OPHN1: variants seen among roughly 807,000 people sequenced by gnomAD.
OPHN1 encodes the protein oligophrenin 1.
OPHN1 carries 11 observed loss-of-function variants against 60.7 expected under a neutral mutation model. The ratio of observed to expected loss-of-function variants is 0.18; its 90% CI spans 0.11 to 0.30. OPHN1 has a LOEUF of 0.30. Among genes scored for constraint, OPHN1 ranks in the 10% least tolerant of loss-of-function variants. The pLI is 1.00. For synonymous variants in OPHN1, 226 were observed against 222.6 expected, an observed-to-expected ratio of 1.02 and a Z score of -0.14; for missense variants, 449 against 611.0, an observed-to-expected ratio of 0.73 and a Z score of 2.80.
chrX:68,103,931 T>G (rs1198476330), intron 18 of OPHN1, among the ~76,000 whole-genome samples: 2 of 112,027 alleles, frequency 1.8e-5, no homozygotes, highest in African/African-American at 6.5e-5. Flanking sequence ...CCCCATGGTC[T>G]CAGCCCAAAA....
rs753189235 is a variant in OPHN1 at position 68,378,269 on chromosome X, G to GA, written c.154+54597dup. Among the ~76,000 whole-genome samples, 267 of 111,865 alleles carry GA rather than the reference G, an allele frequency of 2.4e-3. 2 individuals are homozygous for GA. The East Asian group carries it at 0.065, about 27-fold the overall frequency. Reference sequence around the variant, plus strand: ...TGTTCATATCCTTCACCCACTTTTCGATGGGGTTGTTTGTTTTTTTCTTGT... The same window carrying GA: ...TGTTCATATCCTTCACCCACTTTTCGAATGGGGTTGTTTGTTTTTTTCTTGT... On this transcript the variant is annotated intron_variant, in intron 2 of 24. Transcript: ENST00000355520.
At chrX:68,411,764 T>C (rs757939794) in intron 2 of OPHN1, among the ~76,000 whole-genome samples, 14 of 112,230 alleles carry the variant, frequency 1.2e-4, no homozygotes, top group Admixed American at 2.9e-4. Flanking sequence ...ACAGAAGCTC[T>C]TTAGCCTAAT....
chrX:68,427,919 C>A (rs2078867759), intron 2 of OPHN1, among the ~76,000 whole-genome samples: 1 of 110,469 alleles, frequency 9.1e-6, no homozygotes, highest in Admixed American at 9.7e-5. Context: ...TCACTTGAGG[C>A]CAGGAGTTCG....
intron 6 of OPHN1, among the ~76,000 whole-genome samples, chrX:68,222,372 G>C (rs1363368058): frequency 1.7e-4 from 18 of 107,966 alleles, no homozygotes; most frequent in Admixed American, 1.3e-3. Flanking sequence ...TCAGTGTGGC[G>C]ATTCCTCAGG....
intron 5 of OPHN1, among the ~76,000 whole-genome samples, chrX:68,259,351 T>A (rs1052978144): frequency 9.0e-6 from 1 of 110,913 alleles, no homozygotes; most frequent in Non-Finnish European, 1.9e-5. Context: ...CTCGGGTGGC[T>A]GCAATGGGAA....
intron 15 of OPHN1, among the ~76,000 whole-genome samples, chrX:68,146,468 C>T (rs2077264259): frequency 8.9e-6 from 1 of 112,200 alleles, no homozygotes; most frequent in African/African-American, 3.2e-5. Flanking sequence ...ACATACCAAC[C>T]TTATCTGAGA....
At chrX:68,431,231 G>A (rs927196506) in intron 2 of OPHN1, among the ~76,000 whole-genome samples, 1 of 111,814 alleles carries the variant, frequency 8.9e-6, no homozygotes, top group Admixed American at 9.6e-5. Flanking sequence ...CTCTTGGTCA[G>A]GCCACAATAA....
At chrX:68,143,988 G>A (rs181030068) in intron 15 of OPHN1, among the ~76,000 whole-genome samples, 108 of 111,265 alleles carry the variant, frequency 9.7e-4, no homozygotes, top group African/African-American at 3.3e-3. Flanking sequence ...TTCAGGACTT[G>A]TTCAGGAAGA....
At chrX:68,159,638 C>T (rs996515056) in intron 15 of OPHN1, among the ~76,000 whole-genome samples, 44 of 111,450 alleles carry the variant, frequency 3.9e-4, no homozygotes, top group African/African-American at 1.1e-3. Flanking sequence ...AGTTACATAA[C>T]GTATTTAGAC....
intron 19 of OPHN1, among the ~76,000 whole-genome samples, chrX:68,080,092 A>C (rs1377524993): frequency 9.0e-6 from 1 of 111,477 alleles, no homozygotes; most frequent in Non-Finnish European, 1.9e-5. Flanking sequence ...TAATTGTGTT[A>C]CTCCACTGCT....
chrX:68,308,075 G>T (rs1249552986), intron 2 of OPHN1, among the ~76,000 whole-genome samples: 1 of 112,247 alleles, frequency 8.9e-6, no homozygotes, highest in Non-Finnish European at 1.9e-5. Flanking sequence ...CACTAAGACA[G>T]GAGTTTTAGT....
At chrX:68,133,158 A>G in intron 15 of OPHN1, 4 of 723,248 alleles carry the variant, frequency 5.5e-6, no homozygotes, top group Non-Finnish European at 6.7e-6. Context: ...GTTCTTAATC[A>G]GAGTGAAGCT....
chrX:68,350,821 A>G (rs1346642944), intron 2 of OPHN1, among the ~76,000 whole-genome samples: 2 of 111,071 alleles, frequency 1.8e-5, no homozygotes, highest in Non-Finnish European at 3.8e-5. Flanking sequence ...GGTCAAAAAA[A>G]GCCTTTAAAA....
chrX:68,378,412 C>T (rs1004153382), intron 2 of OPHN1, among the ~76,000 whole-genome samples: 3 of 111,572 alleles, frequency 2.7e-5, no homozygotes, highest in African/African-American at 9.8e-5. Flanking sequence ...GTTTCTTTTG[C>T]TGTGCAGAAG....
chrX:68,194,688 G>A (rs1271299313), intron 12 of OPHN1, among the ~76,000 whole-genome samples, 190 bp from the exon 13 acceptor site: 1 of 111,537 alleles, frequency 9.0e-6, no homozygotes, highest in Non-Finnish European at 1.9e-5. Flanking sequence ...ACTTGAACAG[G>A]CCAGGCGTGG....
intron 5 of OPHN1, among the ~76,000 whole-genome samples, chrX:68,271,880 T>A (rs1024082113): frequency 9.1e-6 from 1 of 109,842 alleles, no homozygotes; most frequent in African/African-American, 3.3e-5. Flanking sequence ...GACAGCATGG[T>A]CATGAAGGCT....
chrX:68,425,627 A>G (rs2078850095), intron 2 of OPHN1, among the ~76,000 whole-genome samples: 1 of 105,858 alleles, frequency 9.4e-6, no homozygotes, highest in South Asian at 4.5e-4. Flanking sequence ...GTAAACATCT[A>G]AAACTCTAAC....
At chrX:68,061,965 C>T (rs1225078264) in intron 21 of OPHN1, among the ~76,000 whole-genome samples, 1 of 112,010 alleles carries the variant, frequency 8.9e-6, no homozygotes, top group Non-Finnish European at 1.9e-5. Context: ...TTTTCCCTGG[C>T]CTCAAAACCA....
chrX:68,223,436 C>A (rs752858926), intron 6 of OPHN1, among the ~76,000 whole-genome samples: 126 of 112,096 alleles, frequency 1.1e-3, no homozygotes, highest in Non-Finnish European at 2.2e-3. Flanking sequence ...GGCCATTATT[C>A]CAAGTGAACT....
Sources: allele counts gnomAD v4.1 joint callset (sites outside exome capture counted in the v4.1 genomes callset), GRCh38; gene constraint gnomAD v4.1.1; transcripts MANE v1.5; gene names NCBI Gene and HGNC (gene_info 2026-07-23, HGNC 2026-07-21).